The following MYO3A variants were observed in gnomAD, a reference collection of about 807,000 sequenced individuals.
The protein encoded by MYO3A is myosin-IIIa.
MYO3A carries 180 observed loss-of-function variants against 192.7 expected under a neutral mutation model. The observed-to-expected ratio is 0.93, with a 90% CI of 0.83 to 1.06. The LOEUF is 1.06. Among genes scored for constraint, MYO3A ranks in the 50% least tolerant of loss-of-function variants. The probability of loss-of-function intolerance (pLI) is 0.00; values close to 1 mark genes in which losing one functional copy is unlikely to be tolerated. For missense variants in MYO3A, 1,896 were observed against 1,905.0 expected (o/e 1.00, Z 0.09); for synonymous variants, 628 against 645.3 (o/e 0.97, Z 0.41).
intron 6 of MYO3A, among the ~76,000 whole-genome samples, chr10:26,002,813 A>G (rs374010302): frequency 6.6e-6 from 1 of 152,278 alleles, no homozygotes; most frequent in South Asian, 2.1e-4. Flanking sequence ...TTTAGAATTC[A>G]TATCTAACAG....
At chr10:26,058,213 G>A (rs1588876739) in intron 10 of MYO3A, among the ~76,000 whole-genome samples, 1 of 152,090 alleles carries the variant, frequency 6.6e-6, no homozygotes, top group Non-Finnish European at 1.5e-5. Flanking sequence ...GCCTTTTCTA[G>A]AATGTGATAA....
Position 26,176,764 on chromosome 10 carries a change from C to G in MYO3A, c.4357C>G (p.Gln1453Glu), listed in dbSNP as rs1281211372. ...QKKLNEMILS[Q>E]QLKSLYLGVS... ...AAAATTGAATGAAATGATTTTGTCA[C>G]AGCAACTGAAGTCACTTTATCTGGG... Residue 1453 changes from glutamine (Q) to glutamate (E), a missense_variant, in exon 31 of 35, where the codon CAG becomes GAG. Physicochemically the swap from Gln to Glu is conservative, Grantham distance 29. Coordinates refer to ENST00000642920, the MANE Select transcript of MYO3A (RefSeq NM_017433.5). 1 of 1,612,748 alleles carries G rather than the reference C, an allele frequency of 6.2e-7. No homozygotes were observed. Among genetic ancestry groups the G allele is most frequent in the Non-Finnish European group, 8.5e-7 (1 of 1,178,834 alleles).
At chr10:25,948,057 T>A (rs537892028) in intron 2 of MYO3A, among the ~76,000 whole-genome samples, 41 of 152,032 alleles carry the variant, frequency 2.7e-4, no homozygotes, top group Non-Finnish European at 5.6e-4. Context: ...AGTAAGATGA[T>A]CAGGGTGGGA....
At chr10:25,960,767 A>G (rs892959875) in intron 4 of MYO3A, among the ~76,000 whole-genome samples, 4 of 152,038 alleles carry the variant, frequency 2.6e-5, no homozygotes, top group African/African-American at 7.2e-5. Flanking sequence ...GTTGAAGAAA[A>G]TTAGAGGATG....
At chr10:25,949,179 A>G (rs1352066125) in intron 2 of MYO3A, among the ~76,000 whole-genome samples, 1 of 152,106 alleles carries the variant, frequency 6.6e-6, no homozygotes, top group Non-Finnish European at 1.5e-5. Flanking sequence ...TAATCTATCC[A>G]TGAGTTTTCT....
chr10:26,096,512 A>T lies in MYO3A; in HGVS notation c.1661+33A>T, dbSNP rs747356241. 1.9e-6 allele frequency: 3 copies of T among 1,602,422 alleles called. 1 individual carries two copies. Among genetic ancestry groups the T allele is most frequent in the South Asian group, 1.1e-5 (1 of 90,770 alleles). ...ACCAGGTTGAGCTTTCATCAATAAT[A>T]CTTTCACTTTTCCCTTAATTTTAGA... is the stretch of plus-strand genomic sequence containing the variant. On this transcript the variant is annotated intron_variant, in intron 16 of 34. Coordinates refer to ENST00000642920, the MANE Select transcript of MYO3A (RefSeq NM_017433.5).
intron 10 of MYO3A, among the ~76,000 whole-genome samples, chr10:26,058,504 C>A (rs2131326454): frequency 6.6e-6 from 1 of 152,288 alleles, no homozygotes; most frequent in African/African-American, 2.4e-5. Context: ...AGCACAGTAG[C>A]TGAATTGTAT....
rs564979657 is a variant in MYO3A, at chr10:25,954,636, T to C, written c.169-238T>C. On this transcript the variant is annotated intron_variant, in intron 3 of 34. Transcript: ENST00000642920. ...TTGCAAATAAAAATAACATTTTATT[T>C]ATCCATTTTAAAATTTGATGAAATT... 7.8e-4 allele frequency among the ~76,000 whole-genome samples: 119 copies of C among 152,268 alleles called. 4 individuals carry two copies. The South Asian group carries it at 0.012, about 15-fold the overall frequency.
chr10:26,145,613 C>A, intron 22 of MYO3A, 79 bp downstream of exon 22: 1 of 1,123,474 alleles, frequency 8.9e-7, no homozygotes, highest in Non-Finnish European at 1.3e-6. Context: ...AAATTATGGC[C>A]CAAAATGTTT....
intron 10 of MYO3A, among the ~76,000 whole-genome samples, chr10:26,029,828 A>G (rs2131140962): frequency 6.6e-6 from 1 of 152,228 alleles, no homozygotes; most frequent in Middle Eastern, 3.4e-3. Flanking sequence ...TCCTTAGTCT[A>G]GGGTTCAGAA....
intron 20 of MYO3A, among the ~76,000 whole-genome samples, chr10:26,135,423 C>T (rs937422283): frequency 2.0e-5 from 3 of 151,912 alleles, no homozygotes; most frequent in Non-Finnish European, 1.5e-5. Flanking sequence ...AGAAAAGAAG[C>T]ATAAGTCAGT....
intron 2 of MYO3A, among the ~76,000 whole-genome samples, chr10:25,944,859 C>T (rs1028446492): frequency 6.6e-6 from 1 of 151,912 alleles, no homozygotes; most frequent in African/African-American, 2.4e-5. Flanking sequence ...TTGATTTTCT[C>T]TACATTTTTA....
At chr10:25,993,365 T>A (rs181358130) in intron 4 of MYO3A, among the ~76,000 whole-genome samples, 253 of 152,340 alleles carry the variant, frequency 1.7e-3, no homozygotes, top group Non-Finnish European at 3.2e-3. Context: ...ATCCCCTTCA[T>A]GATTTTTTAT....
chr10:26,043,149 G>GTCTCTC (rs59621862), intron 10 of MYO3A, among the ~76,000 whole-genome samples: 28,976 of 143,122 alleles, frequency 0.2, 3,015 homozygotes, highest in South Asian at 0.29. Flanking sequence ...GCCAAACAGA[G>GTCTCTC]TCTCTCTCTC....
In MYO3A at chr10:26,098,648, G is replaced by A. The variant is rs1164488131; in HGVS notation, c.1776+1966G>A. Among the ~76,000 whole-genome samples, 7 of 152,292 alleles carry A rather than the reference G, an allele frequency of 4.6e-5. No homozygotes were observed. The South Asian group carries it at 1.2e-3, about 27-fold the overall frequency. The stretch of plus-strand genomic sequence containing the variant: ...TACATATGGCTAGCCAATTTTCCCA[G>A]CACCATTTATTAAACAGAGAATCCT... On this transcript the variant is annotated intron_variant, in intron 17 of 34. Coordinates refer to ENST00000642920, the MANE Select transcript of MYO3A (RefSeq NM_017433.5).
At chr10:25,955,885 G>T (rs1837503290) in intron 4 of MYO3A, among the ~76,000 whole-genome samples, 1 of 151,890 alleles carries the variant, frequency 6.6e-6, no homozygotes, top group Non-Finnish European at 1.5e-5. Context: ...CATTGTCTTA[G>T]TCTGTTTGTG....
At chr10:25,973,748 G>A (rs991395021) in intron 4 of MYO3A, among the ~76,000 whole-genome samples, 2 of 152,080 alleles carry the variant, frequency 1.3e-5, no homozygotes, top group Non-Finnish European at 2.9e-5. Context: ...CAGACATATA[G>A]ATCAATGGAA....
chr10:26,198,401 A>T (rs1432749706), intron 32 of MYO3A, among the ~76,000 whole-genome samples: 1 of 152,210 alleles, frequency 6.6e-6, no homozygotes, highest in African/African-American at 2.4e-5. Context: ...AAAATGACTC[A>T]GGGCCAAGTT....
At chr10:26,207,070 T>G (rs981938927) in intron 34 of MYO3A, among the ~76,000 whole-genome samples, 5 of 138,558 alleles carry the variant, frequency 3.6e-5, no homozygotes, top group East Asian at 2.0e-4. Flanking sequence ...TCTGTTTGGG[T>G]TTTTTTTTTC....
Sources: allele counts gnomAD v4.1 joint callset (sites outside exome capture counted in the v4.1 genomes callset), GRCh38; gene constraint gnomAD v4.1.1; transcripts MANE v1.5; gene names NCBI Gene and HGNC (gene_info 2026-07-23, HGNC 2026-07-21).